FRMD4A: variants seen among roughly 807,000 people sequenced by gnomAD.
FRMD4A encodes the protein FERM domain containing 4A, also known as FERM domain-containing protein 4A.
In FRMD4A, 29 loss-of-function variants were observed where a neutral mutation model predicts 129.1. That is an observed-to-expected ratio of 0.22 (90% CI 0.17 to 0.31). The LOEUF (loss-of-function observed/expected upper bound fraction) is 0.31, where lower values mean the gene tolerates loss of function less well. Among genes scored for constraint, FRMD4A ranks in the 10% least tolerant of loss-of-function variants. The pLI is 1.00. For synonymous variants in FRMD4A, 634 were observed against 571.6 expected, an observed-to-expected ratio of 1.11 and a Z score of -1.56; for missense variants, 1,272 against 1,375.8, an observed-to-expected ratio of 0.92 and a Z score of 1.19.
chr10:13,650,434 G>A (rs535739261), intron 24 of FRMD4A, among the ~76,000 whole-genome samples: 51 of 152,240 alleles, frequency 3.3e-4, no homozygotes, highest in Non-Finnish European at 5.6e-4. Context: ...GTATGTATTC[G>A]TGTATGTATG....
intron 2 of FRMD4A, among the ~76,000 whole-genome samples, chr10:14,285,001 A>G (rs1390808751): frequency 2.6e-5 from 4 of 152,220 alleles, no homozygotes; most frequent in African/African-American, 9.6e-5. Context: ...ACAGAGCCTG[A>G]TACGAAGAAA....
intron 2 of FRMD4A, among the ~76,000 whole-genome samples, chr10:14,285,072 A>G (rs918655769): frequency 6.6e-6 from 1 of 152,260 alleles, no homozygotes; most frequent in Non-Finnish European, 1.5e-5. Flanking sequence ...TTGAATTTGC[A>G]ATAATCTAAA....
intron 3 of FRMD4A, among the ~76,000 whole-genome samples, chr10:13,815,176 C>T (rs1438150770): frequency 6.6e-6 from 1 of 152,170 alleles, no homozygotes; most frequent in African/African-American, 2.4e-5. Flanking sequence ...CTGGGTCTCA[C>T]AGCCAAGCTG....
intron 2 of FRMD4A, among the ~76,000 whole-genome samples, chr10:14,152,880 G>T (rs1344599060): frequency 6.6e-6 from 1 of 152,102 alleles, no homozygotes; most frequent in East Asian, 1.9e-4. Flanking sequence ...GACTCCTTCA[G>T]CTGGGAAGAG....
chr10:14,154,899 C>A lies in FRMD4A; in HGVS notation c.45+175159G>T, dbSNP rs1013280359. ...AAATCTCTAGTCTTTCTTTGTTGGT[C>A]TGAAAGAAATATGGCAGGCAAAACA... On this transcript the variant is annotated intron_variant, in intron 2 of 24. Coordinates refer to ENST00000357447, the MANE Select transcript of FRMD4A (RefSeq NM_018027.5). Among the ~76,000 whole-genome samples the A allele has an allele frequency of 2.6e-5, 4 of 152,314 alleles. No homozygotes were observed. In the East Asian group the frequency reaches 5.8e-4, roughly 22 times the overall value.
chr10:13,867,510 C>A (rs2094382529), intron 2 of FRMD4A, among the ~76,000 whole-genome samples: 1 of 149,000 alleles, frequency 6.7e-6, no homozygotes. Context: ...ATCTTCCCAC[C>A]ACAGCCTCCC....
At chr10:14,263,365 G>A (rs1465185069) in intron 2 of FRMD4A, among the ~76,000 whole-genome samples, 1 of 152,176 alleles carries the variant, frequency 6.6e-6, no homozygotes, top group Non-Finnish European at 1.5e-5. Flanking sequence ...TCACTTGCAA[G>A]GCTGCCGGCC....
chr10:13,885,915 C>G (rs183615218), intron 2 of FRMD4A, among the ~76,000 whole-genome samples: 304 of 152,282 alleles, frequency 2.0e-3, no homozygotes, highest in African/African-American at 7.1e-3. Context: ...CTCCTTCTCT[C>G]TCTCTCTCTC....
chr10:13,931,524 T>C (rs1262046068), intron 2 of FRMD4A, among the ~76,000 whole-genome samples: 1 of 152,132 alleles, frequency 6.6e-6, no homozygotes, highest in African/African-American at 2.4e-5. Flanking sequence ...AGGAAAGACC[T>C]TCCTGACTCC....
chr10:13,949,637 G>C (rs2095358624), intron 2 of FRMD4A, among the ~76,000 whole-genome samples: 2 of 152,180 alleles, frequency 1.3e-5, no homozygotes, highest in South Asian at 4.1e-4. Flanking sequence ...CTTGTATTTT[G>C]TAAGACCCTT....
intron 2 of FRMD4A, among the ~76,000 whole-genome samples, chr10:14,314,959 T>TA (rs397824679): frequency 2.0e-4 from 30 of 151,940 alleles, no homozygotes; most frequent in African/African-American, 6.8e-4. Context: ...GTTTTTTTTT[T>TA]AATTTTTACT....
intron 6 of FRMD4A, among the ~76,000 whole-genome samples, chr10:13,773,675 C>T (rs1352375650): frequency 6.6e-6 from 1 of 152,234 alleles, no homozygotes; most frequent in Non-Finnish European, 1.5e-5. Flanking sequence ...AGCTTTCAGA[C>T]ATCACTGTGA....
At position 13,666,188 on chromosome 10, in the gene FRMD4A, C is replaced by T; in HGVS notation, c.1512G>A (p.Leu504=). ...CATTTTCAATCTCCTGCAGTTTCTT[C>T]AGTGCATTCAGATACGAGGTTTTCC... ...KQRKTSYLNA[L]KKLQEIENAI... is the part of the protein sequence containing the mutation. The change falls in exon 18 of 25, where the codon CTG becomes CTA. Residue 504 remains leucine, a synonymous_variant. Transcript: ENST00000357447. 1 of 1,613,394 alleles carries T rather than the reference C, an allele frequency of 6.2e-7. No individual in the cohort carries two copies. Among genetic ancestry groups the T allele is most frequent in the East Asian group, 2.2e-5 (1 of 44,880 alleles).
At chr10:13,695,212 C>G (rs959509504) in intron 14 of FRMD4A, among the ~76,000 whole-genome samples, 1 of 151,738 alleles carries the variant, frequency 6.6e-6, no homozygotes, top group East Asian at 1.9e-4. Flanking sequence ...CCAGTCTTGA[C>G]TCTCTGCAAC....
At chr10:13,794,732 T>C (rs999048339) in intron 5 of FRMD4A, among the ~76,000 whole-genome samples, 2 of 151,902 alleles carry the variant, frequency 1.3e-5, no homozygotes, top group African/African-American at 4.8e-5. Flanking sequence ...CTCTAAGGAG[T>C]GTTCTTTGAG....
At chr10:13,795,183 A>G (rs1351300096) in intron 5 of FRMD4A, among the ~76,000 whole-genome samples, 1 of 152,206 alleles carries the variant, frequency 6.6e-6, no homozygotes, top group Non-Finnish European at 1.5e-5. Context: ...ATGCAACTGG[A>G]GTCCTGCCTG....
intron 6 of FRMD4A, among the ~76,000 whole-genome samples, chr10:13,766,460 G>A (rs1296174555): frequency 6.6e-6 from 1 of 152,184 alleles, no homozygotes; most frequent in Non-Finnish European, 1.5e-5. Context: ...CATTGCACAT[G>A]CTTACAAAAT....
chr10:13,947,608 GCACA>G (rs147781803), intron 2 of FRMD4A, among the ~76,000 whole-genome samples: 15,331 of 148,608 alleles, frequency 0.1, 864 homozygotes, highest in Middle Eastern at 0.2. Context: ...ACACACACGT[GCACA>G]CACACACACA....
chr10:13,867,794 T>C (rs1208237159), intron 2 of FRMD4A, among the ~76,000 whole-genome samples: 3 of 133,500 alleles, frequency 2.2e-5, no homozygotes, highest in African/African-American at 8.5e-5. Flanking sequence ...ATATATAATA[T>C]AATATATAAT....
Sources: allele counts gnomAD v4.1 joint callset (sites outside exome capture counted in the v4.1 genomes callset), GRCh38; gene constraint gnomAD v4.1.1; transcripts MANE v1.5; gene names NCBI Gene and HGNC (gene_info 2026-07-23, HGNC 2026-07-21).